ASTN2: variants seen among roughly 807,000 people sequenced by gnomAD.
The protein encoded by ASTN2 is astrotactin 2.
A neutral mutation model predicts 139.8 loss-of-function variants in ASTN2; 54 were observed. That is an observed-to-expected ratio of 0.39 (90% CI 0.31 to 0.48). The LOEUF (loss-of-function observed/expected upper bound fraction) is 0.48. ASTN2 is among the 20% of genes least tolerant of loss of function. The pLI is 0.95. For missense variants in ASTN2, 1,565 were observed against 1,725.1 expected, an observed-to-expected ratio of 0.91 and a Z score of 1.64; for synonymous variants, 756 against 719.5, an observed-to-expected ratio of 1.05 and a Z score of -0.81.
chr9:116,856,911 T>C (rs970672035), intron 11 of ASTN2, among the ~76,000 whole-genome samples: 1 of 152,192 alleles, frequency 6.6e-6, no homozygotes, highest in Non-Finnish European at 1.5e-5. Context: ...AAAGACACCA[T>C]CACTCTAAGA....
chr9:116,713,118 G>A (rs554298283), intron 16 of ASTN2, among the ~76,000 whole-genome samples: 7 of 152,208 alleles, frequency 4.6e-5, no homozygotes, highest in South Asian at 4.1e-4. Flanking sequence ...ATTAACTAAT[G>A]GTTCTCTTTG....
At chr9:116,885,291 C>G (rs1225418158) in intron 10 of ASTN2, among the ~76,000 whole-genome samples, 1 of 152,132 alleles carries the variant, frequency 6.6e-6, no homozygotes, top group Non-Finnish European at 1.5e-5. Context: ...CTTGATCATT[C>G]CACATCCTTT....
intron 13 of ASTN2, among the ~76,000 whole-genome samples, chr9:116,741,591 T>C (rs992867341): frequency 2.6e-5 from 4 of 152,210 alleles, no homozygotes; most frequent in Admixed American, 2.6e-4. Flanking sequence ...TGTTCTCATC[T>C]TGGCTCTGTC....
intron 7 of ASTN2, among the ~76,000 whole-genome samples, chr9:116,988,167 G>C (rs762684325): frequency 5.3e-5 from 8 of 152,190 alleles, no homozygotes; most frequent in Non-Finnish European, 1.0e-4. Flanking sequence ...GGTGGTGAGA[G>C]ACAAATTTAA....
chr9:116,674,801 C>T (rs1306627901), intron 16 of ASTN2, among the ~76,000 whole-genome samples: 3 of 152,148 alleles, frequency 2.0e-5, no homozygotes, highest in Admixed American at 2.0e-4. Context: ...AGCTTCAACT[C>T]CCTATGATTT....
intron 1 of ASTN2, among the ~76,000 whole-genome samples, chr9:117,383,569 A>G (rs10818033): frequency 0.63 from 96,400 of 151,992 alleles, 30,851 homozygotes; most frequent in Middle Eastern, 0.72. Flanking sequence ...GCTGCCTGGA[A>G]GAGATTTCAT....
chr9:116,495,281 G>A (rs957541902), intron 19 of ASTN2, among the ~76,000 whole-genome samples: 4 of 152,284 alleles, frequency 2.6e-5, no homozygotes, highest in Non-Finnish European at 4.4e-5. Flanking sequence ...TCTACCAACA[G>A]CACCTGAGTT....
At chr9:116,522,448 C>T (rs1830584) in intron 19 of ASTN2, among the ~76,000 whole-genome samples, 84,509 of 151,836 alleles carry the variant, frequency 0.56, 24,168 homozygotes, top group African/African-American at 0.69. Context: ...CTCACTCATA[C>T]GTGGGAGCTA....
chr9:116,692,367 G>C (rs987868479), intron 16 of ASTN2, among the ~76,000 whole-genome samples: 2 of 152,118 alleles, frequency 1.3e-5, no homozygotes, highest in Non-Finnish European at 2.9e-5. Context: ...TAATAGGTTG[G>C]GTGGTGGCAG....
chr9:116,476,600 C>A (rs530827690), intron 20 of ASTN2, among the ~76,000 whole-genome samples: 1 of 152,308 alleles, frequency 6.6e-6, no homozygotes, highest in East Asian at 1.9e-4. Flanking sequence ...AGCACAAGTG[C>A]CTACCTTACT....
At chr9:116,962,055 A>G (rs1835888610) in intron 10 of ASTN2, among the ~76,000 whole-genome samples, 2 of 152,254 alleles carry the variant, frequency 1.3e-5, no homozygotes, top group Admixed American at 1.3e-4. Flanking sequence ...GATTTGAGGC[A>G]GAGCATTTAG....
intron 2 of ASTN2, among the ~76,000 whole-genome samples, chr9:117,260,537 G>A (rs748295388): frequency 5.3e-5 from 8 of 152,060 alleles, no homozygotes; most frequent in Non-Finnish European, 1.2e-4. Context: ...ATCAAGAATC[G>A]ACAACCTACC....
intron 3 of ASTN2, among the ~76,000 whole-genome samples, chr9:117,203,030 T>G (rs370796467): frequency 1.3e-5 from 2 of 152,190 alleles, no homozygotes; most frequent in East Asian, 3.9e-4. Context: ...GCTTTGTTAA[T>G]TCTTTTTTGT....
At chr9:116,722,771 T>C (rs1041279494) in intron 16 of ASTN2, among the ~76,000 whole-genome samples, 11 of 152,142 alleles carry the variant, frequency 7.2e-5, no homozygotes, top group African/African-American at 2.7e-4. Flanking sequence ...TTCCCCAACC[T>C]ACTCTACCGA....
At chr9:116,509,181 C>A (rs937661616) in intron 19 of ASTN2, among the ~76,000 whole-genome samples, 26 of 152,140 alleles carry the variant, frequency 1.7e-4, no homozygotes, top group Non-Finnish European at 3.7e-4. Context: ...ACGACAGGCC[C>A]TGGCGTGTGA....
chr9:116,590,882 G>T (rs1854351163), intron 19 of ASTN2, among the ~76,000 whole-genome samples: 4 of 152,134 alleles, frequency 2.6e-5, no homozygotes, highest in Admixed American at 2.6e-4. Flanking sequence ...TCTCTGCTGA[G>T]AGCTAGAGAG....
At chr9:117,320,097 T>C (rs897034107) in intron 1 of ASTN2, among the ~76,000 whole-genome samples, 1 of 152,172 alleles carries the variant, frequency 6.6e-6, no homozygotes. Context: ...ACTAGTTTTG[T>C]CAGTAGTGAG....
chr9:116,843,153 TGCCCTATTCACAATAGCAAAGA>T (rs1472970415), intron 11 of ASTN2, among the ~76,000 whole-genome samples: 84 of 152,314 alleles, frequency 5.5e-4, no homozygotes, highest in African/African-American at 1.9e-3. Context: ...TGTTCATTGT[TGCCCTATTCACAATAGCAAAGA>T]CATGGACTCA....
chr9:116,977,516 A>C (rs141181158), intron 7 of ASTN2, among the ~76,000 whole-genome samples: 27 of 152,010 alleles, frequency 1.8e-4, no homozygotes, highest in African/African-American at 6.0e-4. Context: ...TGGTTGCATG[A>C]ATGCTTGCTA....
Sources: allele counts gnomAD v4.1 joint callset (sites outside exome capture counted in the v4.1 genomes callset), GRCh38; gene constraint gnomAD v4.1.1; transcripts MANE v1.5; gene names NCBI Gene and HGNC (gene_info 2026-07-23, HGNC 2026-07-21).